The following AQP11 variants were observed in gnomAD, a reference collection of about 807,000 sequenced individuals.
AQP11 encodes aquaporin 11.
In AQP11, 20 loss-of-function variants were observed where a neutral mutation model predicts 21.1. The ratio of observed to expected loss-of-function variants is 0.95; its 90% CI spans 0.67 to 1.38. The LOEUF (loss-of-function observed/expected upper bound fraction) is 1.38, where lower values mean the gene tolerates loss of function less well. AQP11 is among the 40% of genes most tolerant of loss of function. The pLI is 0.00. For missense variants in AQP11, 339 were observed against 340.4 expected, an observed-to-expected ratio of 1.00 and a Z score of 0.03; for synonymous variants, 167 against 150.1, an observed-to-expected ratio of 1.11 and a Z score of -0.82.
intron 1 of AQP11, among the ~76,000 whole-genome samples, chr11:77,596,270 A>G (rs1447971039): frequency 1.3e-5 from 2 of 150,468 alleles, no homozygotes; most frequent in African/African-American, 2.4e-5. Context: ...GTAAAGCCCC[A>G]TCTCTCCTAA....
In AQP11 at chr11:77,597,200, G is replaced by C. The variant is rs555003297; in HGVS notation, c.620-6356G>C. Among the ~76,000 whole-genome samples, 12 of 152,230 alleles carry C rather than the reference G, an allele frequency of 7.9e-5. No homozygotes were observed. In the South Asian group the frequency reaches 2.1e-3, roughly 26 times the overall value. ...CCATTGAAAATAAGTAAAGATTTTG[G>C]TACAAATCCCTAGGTGTTCCCCACA... On this transcript the variant is annotated intron_variant, in intron 1 of 2. Coordinates refer to ENST00000313578, the MANE Select transcript of AQP11 (RefSeq NM_173039.3).
Position 77,606,649 on chromosome 11 carries a change from G to A in AQP11, c.737-2649G>A, listed in dbSNP as rs1005871794. Among the ~76,000 whole-genome samples the A allele has an allele frequency of 6.6e-5, 10 of 152,144 alleles. No homozygotes were observed. The East Asian group carries it at 9.6e-4, about 15-fold the overall frequency. ...CAACCTCTGCCTCGCAGGCGCAAGC[G>A]ATCCTCCTGTCCCAGCCTCCCAGGT... On this transcript the variant is annotated intron_variant, in intron 2 of 2. Coordinates refer to ENST00000313578, the MANE Select transcript of AQP11 (RefSeq NM_173039.3).
chr11:77,603,406 T>C (rs993936058), intron 1 of AQP11, 150 bp from the exon 2 acceptor site: 1 of 567,122 alleles, frequency 1.8e-6, no homozygotes, highest in African/African-American at 1.9e-5. Flanking sequence ...TTTATGATTA[T>C]AGTCTAAAAT....
chr11:77,592,205 T>G (rs1361631162), intron 1 of AQP11, among the ~76,000 whole-genome samples: 3 of 151,882 alleles, frequency 2.0e-5, no homozygotes, highest in Non-Finnish European at 4.4e-5. Flanking sequence ...AGGTTGAGAT[T>G]GTGGTGAGCT....
At chr11:77,602,456 C>T (rs1958820762) in intron 1 of AQP11, among the ~76,000 whole-genome samples, 1 of 152,074 alleles carries the variant, frequency 6.6e-6, no homozygotes, top group Admixed American at 6.6e-5. Flanking sequence ...TTAGCAGTGG[C>T]AGGTTTAACA....
At chr11:77,591,888 A>C (rs760574606) in intron 1 of AQP11, among the ~76,000 whole-genome samples, 23 of 152,224 alleles carry the variant, frequency 1.5e-4, no homozygotes, top group Admixed American at 3.9e-4. Flanking sequence ...AAAAAGAAAG[A>C]AAGCAAGCCT....
At chr11:77,599,064 A>G (rs1279817045) in intron 1 of AQP11, among the ~76,000 whole-genome samples, 1 of 152,020 alleles carries the variant, frequency 6.6e-6, no homozygotes, top group Admixed American at 6.6e-5. Context: ...TATTTTTAGT[A>G]GAGACAGGGT....
At chr11:77,591,883 G>T (rs1450625569) in intron 1 of AQP11, among the ~76,000 whole-genome samples, 1 of 151,434 alleles carries the variant, frequency 6.6e-6, no homozygotes, top group Non-Finnish European at 1.5e-5. Flanking sequence ...TCAAAAAAAA[G>T]AAAGAAAGCA....
chr11:77,602,931 C>G (rs1958823410), intron 1 of AQP11, among the ~76,000 whole-genome samples: 1 of 152,200 alleles, frequency 6.6e-6, no homozygotes, highest in Admixed American at 6.5e-5. Flanking sequence ...CCATTCCGCA[C>G]TTGTGTGGCC....
intron 1 of AQP11, 47 bp downstream of exon 1, chr11:77,590,658 C>G: frequency 6.4e-7 from 1 of 1,560,038 alleles, no homozygotes; most frequent in Non-Finnish European, 8.7e-7. Flanking sequence ...GCCTCTATGA[C>G]ATGAGGCTGT....
Position 77,590,092 on chromosome 11 carries a change from GTCGCC to G in AQP11, c.101_105del (p.Val34AlafsTer92). ...GCTGCTCATGGGGCTGGCCCGCGTA[GTCGCC>G]CGGCAGCAGCTGCACAGGCCGGTGG... On this transcript the variant is annotated frameshift_variant, in exon 1 of 3. Coordinates refer to ENST00000313578, the MANE Select transcript of AQP11 (RefSeq NM_173039.3). LOFTEE classifies it high-confidence loss of function. 1 of 1,607,536 alleles carries G rather than the reference GTCGCC, an allele frequency of 6.2e-7. No individual in the cohort carries two copies. Among genetic ancestry groups the G allele is most frequent in the Non-Finnish European group, 8.5e-7 (1 of 1,179,542 alleles).
chr11:77,608,921 T>A (rs749844930), intron 2 of AQP11, among the ~76,000 whole-genome samples: 2 of 152,136 alleles, frequency 1.3e-5, no homozygotes, highest in African/African-American at 4.8e-5. Context: ...AGTGTTACCA[T>A]TTTAAAGAGG....
chr11:77,590,075 TG>T lies in AQP11; in HGVS notation c.87del (p.Leu30TrpfsTer4). On this transcript the variant is annotated frameshift_variant, in exon 1 of 3. Transcript: ENST00000313578. LOFTEE classifies it high-confidence loss of function. ...LGLMLSVVLLMGLARVVARQQ... is the reference protein window; with the variant it reads ...LGLMLSVVLLXGLARVVARQQ... ...CTGATGCTGTCGGTGGTGCTGCTCA[TG>T]GGGCTGGCCCGCGTAGTCGCCCGGC... 6.2e-7 allele frequency: 1 copy of T among 1,606,586 alleles called. No homozygotes were observed. The highest frequency in any genetic ancestry group is 8.5e-7 in the Non-Finnish European group (1 of 1,178,854).
At position 77,590,341 on chromosome 11, in the gene AQP11, G is replaced by A; in HGVS notation, c.349G>A (p.Gly117Ser). The change falls in exon 1 of 3, where the codon GGT (glycine) becomes AGT (serine). Residue 117 changes from glycine to serine, a missense_variant. Gly to Ser is a moderately conservative substitution (Grantham distance 56, BLOSUM62 0). Coordinates refer to ENST00000313578, the MANE Select transcript of AQP11 (RefSeq NM_173039.3). Reference protein sequence around the residue: ...MMLGGMSPETGAVRLLAQLVS... With the variant: ...MMLGGMSPETSAVRLLAQLVS... Reference sequence around the variant, plus strand: ...GCTGGGGGGCATGTCCCCCGAGACGGGTGCGGTGAGGCTATTGGCTCAGCT... The same window carrying A: ...GCTGGGGGGCATGTCCCCCGAGACGAGTGCGGTGAGGCTATTGGCTCAGCT... 2 of 1,611,264 alleles carry A rather than the reference G, an allele frequency of 1.2e-6. No homozygotes were observed. The highest frequency in any genetic ancestry group is 1.7e-6 in the Non-Finnish European group (2 of 1,177,796).
intron 1 of AQP11, among the ~76,000 whole-genome samples, chr11:77,598,606 C>T (rs1958797029): frequency 6.6e-6 from 1 of 152,222 alleles, no homozygotes; most frequent in African/African-American, 2.4e-5. Context: ...TGCCATCCTC[C>T]ATGCCTCCAT....
Position 77,590,252 on chromosome 11 carries a change from T to C in AQP11, c.260T>C (p.Leu87Pro), listed in dbSNP as rs769806416. The change falls in exon 1 of 3, where the codon CTT (leucine) becomes CCT (proline). Residue 87 changes from leucine to proline, a missense_variant. Coordinates refer to ENST00000313578, the MANE Select transcript of AQP11 (RefSeq NM_173039.3). ...WTLTLVYFFS[L>P]VHGLTLVGTS... is the part of the protein sequence containing the mutation. ...CTGACGCTCGTCTACTTCTTCTCGC[T>C]TGTGCATGGCCTGACTCTGGTGGGC... 6.2e-7 allele frequency: 1 copy of C among 1,600,980 alleles called. No individual in the cohort carries two copies. Among genetic ancestry groups the C allele is most frequent in the East Asian group, 2.2e-5 (1 of 44,732 alleles).
chr11:77,596,537 AATATAT>A lies in AQP11; in HGVS notation c.619+5947_619+5952del, dbSNP rs529433093. ...AAATATATATGTAAATATATATGTAAATATATATATATATATATATATATATGTATG... is the reference window on the plus strand; with the variant it reads ...AAATATATATGTAAATATATATGTAAATATATATATATATATATATGTATG... On this transcript the variant is annotated intron_variant, in intron 1 of 2. Transcript: ENST00000313578. Among the ~76,000 whole-genome samples, 55 of 86,574 alleles carry A rather than the reference AATATAT, an allele frequency of 6.4e-4. 2 individuals carry two copies. Among genetic ancestry groups the A allele is most frequent in the African/African-American group, 1.6e-3 (35 of 22,392 alleles). The allele number at this position is 86,574 out of a possible 152,430, so 56.8% of individuals were successfully genotyped here. A position where few individuals can be genotyped will look rare whatever the true frequency, so the allele number is the denominator to read the frequency against.
At chr11:77,600,991 GAC>G (rs1244850414) in intron 1 of AQP11, among the ~76,000 whole-genome samples, 2 of 148,670 alleles carry the variant, frequency 1.3e-5, no homozygotes, top group African/African-American at 5.0e-5. Context: ...CAGCCTGGGC[GAC>G]AGAGCGAGAC....
At chr11:77,591,181 T>C (rs1958745627) in intron 1 of AQP11, 1 of 947,628 alleles carries the variant, frequency 1.1e-6, no homozygotes, top group Admixed American at 6.2e-5. Context: ...GAGTTATACA[T>C]GAACTTTTAA....
Sources: gnomAD v4.1 joint callset for allele counts (sites outside exome capture counted in the v4.1 genomes callset) on GRCh38, gnomAD v4.1.1 for gene constraint, MANE v1.5 for transcripts, NCBI Gene and HGNC (gene_info 2026-07-23, HGNC 2026-07-21) for gene names.